LRP1B: variants seen among roughly 807,000 people sequenced by gnomAD.
The protein encoded by LRP1B is LDL receptor related protein 1B.
A neutral mutation model predicts 556.6 loss-of-function variants in LRP1B; 217 were observed. The ratio of observed to expected loss-of-function variants is 0.39; its 90% CI spans 0.35 to 0.44. The LOEUF (loss-of-function observed/expected upper bound fraction) is 0.44, where lower values mean the gene tolerates loss of function less well. LRP1B is among the 20% of genes least tolerant of loss of function. LRP1B has a pLI of 1.00. For synonymous variants in LRP1B, 2,047 were observed against 1,865.8 expected (o/e 1.10, Z -2.50); for missense variants, 5,053 against 5,620.8 (o/e 0.90, Z 3.23).
At chr2:142,118,194 C>T (rs1319756653) in intron 1 of LRP1B, among the ~76,000 whole-genome samples, 4 of 152,048 alleles carry the variant, frequency 2.6e-5, no homozygotes, top group African/African-American at 9.7e-5. Flanking sequence ...AAATTGCACT[C>T]AACTCTCACT....
At chr2:141,343,619 AT>A (rs1688146348) in intron 3 of LRP1B, among the ~76,000 whole-genome samples, 1 of 152,058 alleles carries the variant, frequency 6.6e-6, no homozygotes, top group African/African-American at 2.4e-5. Context: ...GCTAGATCTA[AT>A]TTTTCCACAT....
intron 84 of LRP1B, among the ~76,000 whole-genome samples, chr2:140,282,480 A>G (rs1682957761): frequency 6.6e-6 from 1 of 151,828 alleles, no homozygotes; most frequent in Admixed American, 6.6e-5. Context: ...ATATTTAGTG[A>G]TTCATAAATA....
intron 7 of LRP1B, among the ~76,000 whole-genome samples, chr2:141,135,695 C>T (rs959196825): frequency 1.1e-4 from 17 of 151,900 alleles, no homozygotes; most frequent in African/African-American, 3.6e-4. Flanking sequence ...GATTTGATCA[C>T]CAAGTCTCAA....
chr2:140,655,682 C>T (rs149169014), intron 41 of LRP1B, among the ~76,000 whole-genome samples: 1 of 152,330 alleles, frequency 6.6e-6, no homozygotes, highest in African/African-American at 2.4e-5. Context: ...GTGGCTCACG[C>T]CTGCAATCCC....
chr2:141,009,092 A>C (rs189757386), intron 14 of LRP1B, among the ~76,000 whole-genome samples: 1 of 151,916 alleles, frequency 6.6e-6, no homozygotes, highest in Non-Finnish European at 1.5e-5. Context: ...CTCCTTTTCT[A>C]TATGTGTCCT....
intron 7 of LRP1B, among the ~76,000 whole-genome samples, chr2:141,184,241 T>C (rs1369792507): frequency 2.6e-5 from 4 of 152,090 alleles, no homozygotes; most frequent in Non-Finnish European, 1.5e-5. Flanking sequence ...CAGCAATTGT[T>C]AGAATAAGGT....
chr2:140,853,159 G>A (rs1692512260), intron 27 of LRP1B, among the ~76,000 whole-genome samples: 1 of 151,916 alleles, frequency 6.6e-6, no homozygotes, highest in African/African-American at 2.4e-5. Flanking sequence ...AGCTAGAAAG[G>A]ATTTTCTGAC....
At chr2:140,702,648 T>A in intron 37 of LRP1B, 95 bp from the exon 38 acceptor site, 1 of 1,050,282 alleles carries the variant, frequency 9.5e-7, no homozygotes, top group Non-Finnish European at 1.4e-6. Context: ...GCAGTAGCAT[T>A]CACACTAGAA....
At chr2:140,558,950 A>G (rs956289665) in intron 43 of LRP1B, among the ~76,000 whole-genome samples, 1 of 152,020 alleles carries the variant, frequency 6.6e-6, no homozygotes, top group African/African-American at 2.4e-5. Flanking sequence ...AGGAAAAAAA[A>G]AAAAAACAAA....
chr2:141,607,728 G>T (rs1166719631), intron 2 of LRP1B, among the ~76,000 whole-genome samples: 1 of 152,046 alleles, frequency 6.6e-6, no homozygotes. Context: ...TTCGAGATCA[G>T]CCTGGACAAC....
At chr2:140,722,275 C>G (rs779590331) in intron 35 of LRP1B, among the ~76,000 whole-genome samples, 1 of 152,168 alleles carries the variant, frequency 6.6e-6, no homozygotes, top group Non-Finnish European at 1.5e-5. Context: ...TCTGTTACAA[C>G]TAATGCTATG....
chr2:140,536,083 A>G (rs557002441), intron 46 of LRP1B, among the ~76,000 whole-genome samples: 98 of 152,236 alleles, frequency 6.4e-4, no homozygotes, highest in African/African-American at 2.3e-3. Flanking sequence ...TAAAGAAAGT[A>G]AGCCTAAAAC....
intron 1 of LRP1B, among the ~76,000 whole-genome samples, chr2:141,981,925 G>A (rs946217073): frequency 6.6e-6 from 1 of 152,042 alleles, no homozygotes; most frequent in African/African-American, 2.4e-5. Flanking sequence ...GACAATGAAA[G>A]TCATGTCTTT....
rs551963139 is a variant in LRP1B at position 140,274,335 on chromosome 2, A to T, written c.13142+89T>A. On this transcript the variant is annotated intron_variant, in intron 85 of 90. Transcript: ENST00000389484. The stretch of plus-strand genomic sequence containing the variant: ...CAATACGGAATTTTAGAATAAAAAC[A>T]ATCTACAAAGTTTTTACTATTTATT... The T allele has an allele frequency of 4.3e-6, 5 of 1,174,078 alleles. No individual in the cohort carries two copies. The Admixed American group carries it at 1.0e-4, about 24-fold the overall frequency. The allele number at this position is 1,174,078 out of a possible 1,614,324, so 72.7% of individuals were successfully genotyped here.
intron 21 of LRP1B, among the ~76,000 whole-genome samples, chr2:140,917,709 G>T (rs1287954343): frequency 6.6e-6 from 1 of 151,908 alleles, no homozygotes; most frequent in Admixed American, 6.6e-5. Flanking sequence ...AAACAGGCAG[G>T]GTACGAAAGA....
At chr2:140,789,920 G>A (rs992350274) in intron 32 of LRP1B, among the ~76,000 whole-genome samples, 4 of 151,934 alleles carry the variant, frequency 2.6e-5, no homozygotes, top group Admixed American at 1.3e-4. Context: ...GTGAGCCACC[G>A]CGCCCGGCCA....
chr2:140,534,570 G>A (rs991937936), intron 46 of LRP1B, among the ~76,000 whole-genome samples: 6 of 152,062 alleles, frequency 3.9e-5, no homozygotes, highest in East Asian at 1.9e-4. Flanking sequence ...AACAAAGCAC[G>A]TATTCCTGAA....
chr2:140,841,154 A>AGAGCC, intron 29 of LRP1B, 62 bp from the exon 30 acceptor site: 5 of 1,062,826 alleles, frequency 4.7e-6, no homozygotes, highest in Non-Finnish European at 6.7e-6. Context: ...CTGGCTCTGC[A>AGAGCC]AGTAGTTATT....
chr2:141,580,171 G>T (rs1686912894), intron 2 of LRP1B, among the ~76,000 whole-genome samples: 1 of 151,924 alleles, frequency 6.6e-6, no homozygotes, highest in South Asian at 2.1e-4. Context: ...ATCATTTTAG[G>T]CACTAATTTA....
Sources: allele counts gnomAD v4.1 joint callset (sites outside exome capture counted in the v4.1 genomes callset), GRCh38; gene constraint gnomAD v4.1.1; transcripts MANE v1.5; gene names NCBI Gene and HGNC (gene_info 2026-07-23, HGNC 2026-07-21).